FSTL4: variants seen among roughly 807,000 people sequenced by gnomAD.
The protein encoded by FSTL4 is follistatin like 4.
In FSTL4, 28 loss-of-function variants were observed where a neutral mutation model predicts 78.2. The observed-to-expected ratio is 0.36, with a 90% CI of 0.27 to 0.49. FSTL4 has a LOEUF of 0.49. Ranked by LOEUF, FSTL4 falls within the 20% of genes least tolerant of loss-of-function variation. The pLI is 0.98. For missense variants in FSTL4, 922 were observed against 1,084.9 expected, an observed-to-expected ratio of 0.85 and a Z score of 2.11; for synonymous variants, 422 against 440.5, an observed-to-expected ratio of 0.96 and a Z score of 0.53.
At chr5:133,254,668 G>A (rs17166463) in intron 6 of FSTL4, among the ~76,000 whole-genome samples, 6,737 of 152,260 alleles carry the variant, frequency 0.044, 248 homozygotes, top group Middle Eastern at 0.099. Context: ...CAGTGAAGAC[G>A]GTAAGAATCG....
At chr5:133,312,864 T>G in intron 5 of FSTL4, 87 bp from the exon 6 acceptor site, 6,372 of 918,838 alleles carry the variant, frequency 6.9e-3, no homozygotes, top group Non-Finnish European at 1.0e-2. Flanking sequence ...CAAGAGGGAA[T>G]CCAGGGACAG....
chr5:133,323,573 G>A (rs1490745345), intron 4 of FSTL4, among the ~76,000 whole-genome samples: 1 of 152,220 alleles, frequency 6.6e-6, no homozygotes, highest in Non-Finnish European at 1.5e-5. Context: ...GAGAGAGGCT[G>A]CATGTCCTGG....
In FSTL4 at chr5:133,496,068, C is replaced by A. The variant is rs1207966615; in HGVS notation, c.160+71118G>T. Among the ~76,000 whole-genome samples the A allele has an allele frequency of 2.6e-5, 4 of 152,236 alleles. No homozygotes were observed. The South Asian group carries it at 8.3e-4, about 32-fold the overall frequency. ...AGCTCTGACGCTGGGAGCAGAAGGA[C>A]CAATGCCACCTGCAGCACATAACCT... On this transcript the variant is annotated intron_variant, in intron 3 of 15. Transcript: ENST00000265342.
At chr5:133,634,025 C>T in the FSTL4 span, among the ~76,000 whole-genome samples, 1 of 152,030 alleles carries the variant, frequency 6.6e-6, no homozygotes, top group African/African-American at 2.4e-5. Flanking sequence ...GGGAGAGTGG[C>T]CTTGTTACCA....
At chr5:133,479,094 T>C (rs1002832759) in intron 3 of FSTL4, among the ~76,000 whole-genome samples, 1 of 152,200 alleles carries the variant, frequency 6.6e-6, no homozygotes, top group African/African-American at 2.4e-5. Flanking sequence ...CTAAAGTCCT[T>C]ATTATATGTC....
intron 4 of FSTL4, among the ~76,000 whole-genome samples, chr5:133,392,747 A>G (rs1189431692): frequency 6.6e-6 from 1 of 152,208 alleles, no homozygotes; most frequent in African/African-American, 2.4e-5. Context: ...AGGAGTGCAC[A>G]GCAAAGGAGG....
the FSTL4 span, among the ~76,000 whole-genome samples, chr5:133,679,651 A>T: frequency 6.6e-6 from 1 of 152,142 alleles, no homozygotes; most frequent in African/African-American, 2.4e-5. Context: ...AAACTCTGAC[A>T]GTGCCTGCAA....
At chr5:133,729,419 T>C in the FSTL4 span, among the ~76,000 whole-genome samples, 4 of 152,174 alleles carry the variant, frequency 2.6e-5, no homozygotes, top group Admixed American at 6.5e-5. Context: ...CCCTACTAAG[T>C]GTTGCTGGGA....
At chr5:133,748,656 G>C in the FSTL4 span, among the ~76,000 whole-genome samples, 1 of 152,206 alleles carries the variant, frequency 6.6e-6, no homozygotes, top group Admixed American at 6.5e-5. Context: ...CCTGCTCAGG[G>C]AGCTGGGCAG....
chr5:133,715,338 A>T, the FSTL4 span, among the ~76,000 whole-genome samples: 1 of 152,240 alleles, frequency 6.6e-6, no homozygotes, highest in Non-Finnish European at 1.5e-5. Context: ...GTTTATTAAC[A>T]GGAAAATTAT....
intron 4 of FSTL4, among the ~76,000 whole-genome samples, chr5:133,343,271 T>C (rs1754624772): frequency 6.6e-6 from 1 of 152,216 alleles, no homozygotes; most frequent in Non-Finnish European, 1.5e-5. Flanking sequence ...CTAGCTCTGA[T>C]GTGAAATGTC....
intron 3 of FSTL4, among the ~76,000 whole-genome samples, chr5:133,517,202 C>G (rs941672674): frequency 2.3e-4 from 35 of 151,454 alleles, no homozygotes; most frequent in African/African-American, 8.5e-4. Flanking sequence ...GTGGGTGGAT[C>G]ACCTGAGGTC....
chr5:133,399,109 G>A (rs964631049), intron 4 of FSTL4, among the ~76,000 whole-genome samples: 1 of 152,154 alleles, frequency 6.6e-6, no homozygotes, highest in Non-Finnish European at 1.5e-5. Flanking sequence ...GAGGGAGGGT[G>A]TGCACACTCT....
At chr5:133,410,548 G>A (rs1401480006) in intron 3 of FSTL4, among the ~76,000 whole-genome samples, 2 of 152,170 alleles carry the variant, frequency 1.3e-5, no homozygotes, top group African/African-American at 4.8e-5. Flanking sequence ...CCGCCGTGAT[G>A]CTCCTTGTCA....
the FSTL4 span, among the ~76,000 whole-genome samples, chr5:133,716,799 A>T: frequency 5.3e-4 from 81 of 152,390 alleles, 1 homozygote; most frequent in African/African-American, 1.8e-3. Context: ...AATGGAAATC[A>T]TTCCCAAATA....
At chr5:133,612,574 C>T (rs1256013050), upstream of FSTL4, 1 of 152,098 alleles carries the variant, frequency 6.6e-6, no homozygotes, top group Non-Finnish European at 1.5e-5. This position sits in a 1 kb window ranked among gnomAD's most constrained non-coding sequence, Gnocchi z 6.2. Flanking sequence ...ACGTCACCCT[C>T]TGGGCCCCGC....
chr5:133,667,661 G>A, the FSTL4 span, among the ~76,000 whole-genome samples: 1 of 152,054 alleles, frequency 6.6e-6, no homozygotes, highest in African/African-American at 2.4e-5. Flanking sequence ...ACCTCATCAA[G>A]TCCCCACTCC....
intron 3 of FSTL4, among the ~76,000 whole-genome samples, chr5:133,547,879 A>G (rs1759615843): frequency 6.6e-6 from 1 of 152,226 alleles, no homozygotes; most frequent in African/African-American, 2.4e-5. Context: ...AACTAAGACA[A>G]GAGGGGAAGC....
rs562911039 is a variant in FSTL4 at position 133,301,722 on chromosome 5, G to C, written c.727+10932C>G. Among the ~76,000 whole-genome samples, 3 of 152,302 alleles carry C rather than the reference G, an allele frequency of 2.0e-5. No homozygotes were observed. In the East Asian group the frequency reaches 5.8e-4, roughly 29 times the overall value. ...ATCTGGAGAAGAACGGCTCTCCAAG[G>C]GCATAGCTTGCAGGCTGCCCCAGGC... On this transcript the variant is annotated intron_variant, in intron 6 of 15. Coordinates refer to ENST00000265342, the MANE Select transcript of FSTL4 (RefSeq NM_015082.2).
Sources: gnomAD v4.1 joint callset for allele counts (sites outside exome capture counted in the v4.1 genomes callset) on GRCh38, gnomAD v4.1.1 for gene constraint, Gnocchi (gnomAD v3.1) non-coding constraint, MANE v1.5 for transcripts, NCBI Gene and HGNC (gene_info 2026-07-23, HGNC 2026-07-21) for gene names.